The following ERC2 variants were observed in gnomAD, a reference collection of about 807,000 sequenced individuals.
ERC2 encodes ELKS/RAB6-interacting/CAST family member 2, also known as ERC protein 2.
In ERC2, 42 loss-of-function variants were observed where a neutral mutation model predicts 114.8. The observed-to-expected ratio is 0.37, with a 90% CI of 0.29 to 0.47. The LOEUF is 0.47. Among genes scored for constraint, ERC2 ranks in the 20% least tolerant of loss-of-function variants. The pLI is 0.99. For missense variants in ERC2, 939 were observed against 1,150.7 expected, an observed-to-expected ratio of 0.82 and a Z score of 2.66; for synonymous variants, 454 against 425.5, an observed-to-expected ratio of 1.07 and a Z score of -0.82.
At chr3:55,851,016 T>A (rs2061547841) in intron 14 of ERC2, among the ~76,000 whole-genome samples, 1 of 151,964 alleles carries the variant, frequency 6.6e-6, no homozygotes, top group Non-Finnish European at 1.5e-5. Flanking sequence ...CTGGATCCCA[T>A]CAAATAGCCT....
intron 1 of ERC2, among the ~76,000 whole-genome samples, chr3:56,445,040 C>T (rs993075829): frequency 5.3e-5 from 8 of 152,184 alleles, no homozygotes; most frequent in African/African-American, 1.7e-4. Flanking sequence ...TTAATAGTTG[C>T]CAACATAGAA....
chr3:56,216,811 T>A (rs1457741382), intron 3 of ERC2, among the ~76,000 whole-genome samples: 1 of 152,190 alleles, frequency 6.6e-6, no homozygotes. Flanking sequence ...GTGGGCTTCA[T>A]CCCTGGGATG....
intron 3 of ERC2, among the ~76,000 whole-genome samples, chr3:56,196,541 G>A (rs1330749388): frequency 6.9e-6 from 1 of 144,078 alleles, no homozygotes; most frequent in Non-Finnish European, 1.5e-5. Context: ...AACTTCTTGA[G>A]ATGAGTTATT....
chr3:56,212,464 G>C (rs1360381417), intron 3 of ERC2, among the ~76,000 whole-genome samples: 1 of 152,118 alleles, frequency 6.6e-6, no homozygotes, highest in South Asian at 2.1e-4. Context: ...ATAAATGTTG[G>C]TGTGGACGTG....
chr3:56,028,025 T>G (rs1438396693), intron 7 of ERC2, among the ~76,000 whole-genome samples: 1 of 152,186 alleles, frequency 6.6e-6, no homozygotes, highest in African/African-American at 2.4e-5. Flanking sequence ...TATCTAATTA[T>G]CTAATTGATC....
intron 3 of ERC2, among the ~76,000 whole-genome samples, chr3:56,186,517 TTTTG>T (rs908111265): frequency 3.9e-4 from 59 of 152,092 alleles, no homozygotes; most frequent in African/African-American, 1.3e-3. Flanking sequence ...TTGTTGTTGG[TTTTG>T]TTTGTTTGTT....
chr3:56,313,794 G>A (rs573440859), intron 2 of ERC2, among the ~76,000 whole-genome samples: 2 of 152,322 alleles, frequency 1.3e-5, no homozygotes, highest in East Asian at 1.9e-4. Flanking sequence ...ACCATCAGAA[G>A]CTACTCCAAG....
At chr3:56,085,042 T>A (rs2077433682) in intron 6 of ERC2, among the ~76,000 whole-genome samples, 2 of 152,206 alleles carry the variant, frequency 1.3e-5, no homozygotes, top group South Asian at 4.1e-4. Flanking sequence ...CCTTTCAGCC[T>A]CAGTTTCTCC....
intron 17 of ERC2, among the ~76,000 whole-genome samples, chr3:55,595,245 C>T (rs977795524): frequency 9.2e-5 from 14 of 152,144 alleles, no homozygotes; most frequent in Admixed American, 2.6e-4. Flanking sequence ...TAAATGTCAA[C>T]CAAAAGATTG....
intron 2 of ERC2, among the ~76,000 whole-genome samples, chr3:56,343,510 C>A (rs1049343024): frequency 2.0e-5 from 3 of 151,852 alleles, no homozygotes; most frequent in Admixed American, 1.3e-4. Context: ...TCCAGCTACT[C>A]AGAAGGCTGA....
intron 17 of ERC2, among the ~76,000 whole-genome samples, chr3:55,639,638 A>G (rs1191131261): frequency 6.6e-6 from 1 of 152,194 alleles, no homozygotes; most frequent in African/African-American, 2.4e-5. Flanking sequence ...GTCAGTCAGG[A>G]AAGATTTCCT....
intron 17 of ERC2, among the ~76,000 whole-genome samples, chr3:55,575,569 T>C (rs2107539517): frequency 6.6e-6 from 1 of 152,288 alleles, no homozygotes; most frequent in South Asian, 2.1e-4. Context: ...GGAGTGGATG[T>C]ATGAAAAGTA....
At chr3:55,928,140 C>G (rs1007553293) in intron 13 of ERC2, among the ~76,000 whole-genome samples, 1 of 152,108 alleles carries the variant, frequency 6.6e-6, no homozygotes, top group Non-Finnish European at 1.5e-5. Flanking sequence ...AAGATTGCTG[C>G]ATTGTATGGT....
intron 17 of ERC2, among the ~76,000 whole-genome samples, chr3:55,527,333 C>G (rs1005869762): frequency 1.1e-4 from 16 of 152,260 alleles, no homozygotes; most frequent in Admixed American, 2.6e-4. Flanking sequence ...GCCTCACAGT[C>G]TTAAGGGCTC....
chr3:55,579,034 G>T (rs190935952), intron 17 of ERC2, among the ~76,000 whole-genome samples: 10 of 152,092 alleles, frequency 6.6e-5, no homozygotes, highest in Admixed American at 6.6e-4. Context: ...ACATTCTGTT[G>T]GTCAAAGGAA....
At chr3:55,811,790 C>A (rs1408014051) in intron 14 of ERC2, among the ~76,000 whole-genome samples, 1 of 152,218 alleles carries the variant, frequency 6.6e-6, no homozygotes, top group African/African-American at 2.4e-5. Context: ...GCATTCTATT[C>A]TCACCCTAGG....
intron 2 of ERC2, among the ~76,000 whole-genome samples, chr3:56,416,695 T>C (rs7625995): frequency 0.36 from 53,360 of 148,206 alleles, 9,819 homozygotes; most frequent in Middle Eastern, 0.45. Flanking sequence ...CTGATCTCTC[T>C]CTCTAAACTG....
At chr3:55,567,528 C>T (rs1043687523) in intron 17 of ERC2, among the ~76,000 whole-genome samples, 5 of 151,944 alleles carry the variant, frequency 3.3e-5, no homozygotes, top group African/African-American at 9.7e-5. Flanking sequence ...TCCTTCTGAG[C>T]GTATAGAGAC....
intron 12 of ERC2, among the ~76,000 whole-genome samples, chr3:55,960,456 A>G (rs1455543333): frequency 6.6e-6 from 1 of 152,184 alleles, no homozygotes; most frequent in Non-Finnish European, 1.5e-5. Flanking sequence ...CAGTTGAAGT[A>G]ATGCCTCCTC....
Sources: gnomAD v4.1 joint callset for allele counts (sites outside exome capture counted in the v4.1 genomes callset) on GRCh38, gnomAD v4.1.1 for gene constraint, MANE v1.5 for transcripts, NCBI Gene and HGNC (gene_info 2026-07-23, HGNC 2026-07-21) for gene names.